Variants in C1orf21 observed in about 807,000 individuals in gnomAD.
C1orf21 encodes uncharacterized protein C1orf21.
Under a neutral mutation model 18.7 loss-of-function variants are expected in C1orf21, and 3 were observed. That is an observed-to-expected ratio of 0.16 (90% CI 0.07 to 0.42). The LOEUF (loss-of-function observed/expected upper bound fraction) is 0.42. Ranked by LOEUF, C1orf21 falls within the 10% of genes least tolerant of loss-of-function variation. The pLI is 0.99. For synonymous variants in C1orf21, 41 were observed against 46.4 expected (o/e 0.88, Z 0.47); for missense variants, 104 against 143.6 (o/e 0.72, Z 1.41).
intron 2 of C1orf21, among the ~76,000 whole-genome samples, chr1:184,488,600 A>G (rs1225465729): frequency 6.6e-6 from 1 of 152,240 alleles, no homozygotes; most frequent in African/African-American, 2.4e-5. Flanking sequence ...TATAATATTA[A>G]AAATGAAATC....
intron 1 of C1orf21, among the ~76,000 whole-genome samples, chr1:184,451,505 G>C (rs1657123032): frequency 8.2e-6 from 1 of 122,130 alleles, no homozygotes; most frequent in East Asian, 2.4e-4. Flanking sequence ...GGGTCTCACT[G>C]TGTTGCCCAG....
intron 1 of C1orf21, among the ~76,000 whole-genome samples, chr1:184,436,439 G>A (rs1321148732): frequency 3.3e-5 from 5 of 151,784 alleles, no homozygotes; most frequent in African/African-American, 9.7e-5. Context: ...GTGCAAAGTC[G>A]GCAGCCCACG....
At chr1:184,401,748 T>G (rs1440614880) in intron 1 of C1orf21, among the ~76,000 whole-genome samples, 1 of 151,396 alleles carries the variant, frequency 6.6e-6, no homozygotes, top group African/African-American at 2.4e-5. Flanking sequence ...ATACAATACA[T>G]GTGTAAATAT....
intron 2 of C1orf21, among the ~76,000 whole-genome samples, chr1:184,494,332 A>G (rs1657859268): frequency 6.6e-6 from 1 of 152,166 alleles, no homozygotes; most frequent in East Asian, 1.9e-4. Context: ...CCAGGGCCGG[A>G]CTGTACTGCT....
chr1:184,595,557 A>G (rs1356502812), intron 4 of C1orf21, among the ~76,000 whole-genome samples: 1 of 152,198 alleles, frequency 6.6e-6, no homozygotes, highest in African/African-American at 2.4e-5. Flanking sequence ...TTATTTCATC[A>G]GAATAAAAAT....
At chr1:184,417,256 A>AT (rs1430746085) in intron 1 of C1orf21, among the ~76,000 whole-genome samples, 1 of 152,174 alleles carries the variant, frequency 6.6e-6, no homozygotes, top group Non-Finnish European at 1.5e-5. Flanking sequence ...TAAAAAGAAA[A>AT]TGGCCTTTGC....
At chr1:184,412,097 A>T (rs1029195586) in intron 1 of C1orf21, 2 of 152,170 alleles carry the variant, frequency 1.3e-5, no homozygotes. Flanking sequence ...ATAATTTTAG[A>T]TTAGTTATTT....
chr1:184,549,969 C>T (rs1658789750), intron 3 of C1orf21, among the ~76,000 whole-genome samples: 1 of 152,170 alleles, frequency 6.6e-6, no homozygotes, highest in Non-Finnish European at 1.5e-5. Flanking sequence ...ACATTCAGCA[C>T]AATATTCAAT....
At chr1:184,392,158 A>C (rs927086592) in intron 1 of C1orf21, among the ~76,000 whole-genome samples, 6 of 152,206 alleles carry the variant, frequency 3.9e-5, no homozygotes, top group Non-Finnish European at 8.8e-5. Flanking sequence ...CCTAATATTT[A>C]TAGTGTGCCT....
At chr1:184,530,953 T>C (rs1658454237) in intron 3 of C1orf21, among the ~76,000 whole-genome samples, 1 of 152,148 alleles carries the variant, frequency 6.6e-6, no homozygotes, top group African/African-American at 2.4e-5. Context: ...TACGGCCATT[T>C]AAATATTATG....
At chr1:184,574,195 A>G (rs990458195) in intron 3 of C1orf21, among the ~76,000 whole-genome samples, 7 of 152,074 alleles carry the variant, frequency 4.6e-5, no homozygotes, top group African/African-American at 1.7e-4. Flanking sequence ...ACGGAGAAAG[A>G]CTCTGTCTCA....
intron 1 of C1orf21, among the ~76,000 whole-genome samples, chr1:184,453,818 G>A (rs1657156846): frequency 6.6e-6 from 1 of 152,174 alleles, no homozygotes; most frequent in African/African-American, 2.4e-5. Context: ...AAGATTGAAT[G>A]AAGCTACTGT....
rs1263253311 is a variant in C1orf21 at position 184,627,953 on chromosome 1, C to T, written c.*8397C>T. The T allele has an allele frequency of 1.3e-5, 2 of 152,238 alleles. No homozygotes were observed. The highest frequency in any genetic ancestry group is 1.3e-4 in the Admixed American group (2 of 15,280). 9.4% of individuals were successfully genotyped at this position (152,238 alleles called of 1,614,324 possible). ...GGAAGGGATCAAAATGCCTCCATGC[C>T]AGTTGTTAATGGCTACATATTTGCC... On this transcript the variant is annotated 3_prime_UTR_variant, in exon 6 of 6. Coordinates refer to ENST00000235307, the MANE Select transcript of C1orf21 (RefSeq NM_030806.4).
chr1:184,430,482 T>C (rs1656722935), intron 1 of C1orf21, among the ~76,000 whole-genome samples: 1 of 152,240 alleles, frequency 6.6e-6, no homozygotes, highest in Non-Finnish European at 1.5e-5. Context: ...AATGTCCATA[T>C]GTATAATTTG....
chr1:184,462,300 A>G (rs1657319794), intron 1 of C1orf21, among the ~76,000 whole-genome samples: 1 of 152,212 alleles, frequency 6.6e-6, no homozygotes, highest in Non-Finnish European at 1.5e-5. Flanking sequence ...TTCCAAGACA[A>G]AAGCCTAACT....
intron 3 of C1orf21, chr1:184,568,477 T>C (rs1011727416): frequency 8.5e-6 from 4 of 470,516 alleles, no homozygotes; most frequent in Admixed American, 2.4e-5. Context: ...GAAGTTCTTA[T>C]GTGATACTGT....
chr1:184,408,409 GAGA>G (rs1319446324), intron 1 of C1orf21: 1 of 152,234 alleles, frequency 6.6e-6, no homozygotes, highest in Non-Finnish European at 1.5e-5. Context: ...CGAATGAACA[GAGA>G]AGGTGAGTGA....
intron 3 of C1orf21, among the ~76,000 whole-genome samples, chr1:184,532,399 T>C (rs1410751221): frequency 6.6e-6 from 1 of 152,174 alleles, no homozygotes; most frequent in Non-Finnish European, 1.5e-5. Context: ...GTTATTAAGT[T>C]CAAAGTGGTG....
At chr1:184,410,614 A>AT (rs1656318383) in intron 1 of C1orf21, among the ~76,000 whole-genome samples, 2 of 56,096 alleles carry the variant, frequency 3.6e-5, no homozygotes, top group Admixed American at 2.0e-4. Flanking sequence ...TTTGCCATAT[A>AT]TATTATATAT....
Sources: allele counts gnomAD v4.1 joint callset (sites outside exome capture counted in the v4.1 genomes callset), GRCh38; gene constraint gnomAD v4.1.1; transcripts MANE v1.5; gene names NCBI Gene and HGNC (gene_info 2026-07-23, HGNC 2026-07-21).